FN1: variants seen among roughly 807,000 people sequenced by gnomAD.
The protein encoded by FN1 is fibronectin.
A neutral mutation model predicts 297.3 loss-of-function variants in FN1; 106 were observed. The observed-to-expected ratio is 0.36, with a 90% confidence interval of 0.30 to 0.42. The LOEUF is 0.42. Ranked by LOEUF, FN1 falls within the 10% of genes least tolerant of loss-of-function variation. The pLI is 1.00. For missense variants in FN1, 2,690 were observed against 3,124.9 expected, an observed-to-expected ratio of 0.86 and a Z score of 3.32; for synonymous variants, 1,149 against 1,152.6, an observed-to-expected ratio of 1.00 and a Z score of 0.06.
At chr2:215,375,842 C>G (rs2106293934) in intron 36 of FN1, 124 bp from the exon 37 acceptor site, 1 of 714,986 alleles carries the variant, frequency 1.4e-6, no homozygotes, top group African/African-American at 1.7e-5. Context: ...CCAAAGTGGT[C>G]CACATTTGAA....
chr2:215,379,759 T>C lies in FN1; in HGVS notation c.5435-442A>G, dbSNP rs145856581. 609 of 195,590 alleles carry C rather than the reference T, an allele frequency of 3.1e-3. 3 individuals are homozygous for C. The highest frequency in any genetic ancestry group is 0.013 in the African/African-American group (550 of 41,978). The allele number at this position is 195,590 out of a possible 1,614,324, so 12.1% of individuals were successfully genotyped here. On this transcript the variant is annotated intron_variant, in intron 33 of 45. Transcript: ENST00000354785. The stretch of plus-strand genomic sequence containing the variant: ...TCCAGGCGGCAGTGCAGTGGAGTTA[T>C]CATAGCTCACTGCAGCCTTGAACTC...
In FN1 at chr2:215,361,995, G is replaced by A; in HGVS notation, c.7336C>T (p.Gln2446Ter). 1 of 1,614,020 alleles carries A rather than the reference G, an allele frequency of 6.2e-7. No homozygotes were observed. The highest frequency in any genetic ancestry group is 8.5e-7 in the Non-Finnish European group (1 of 1,179,956). ...GTGTTTGTTCTCTGATGGTATCTCT[G>A]AGAATACTGGTTGTAGGACTGGCCA... is the stretch of plus-strand genomic sequence containing the variant. ...TTGQSYNQYSQRYHQRTNTNV... is the reference protein window; with the variant it reads ...TTGQSYNQYS Residue 2446 changes from glutamine (Q) to a stop codon, truncating the protein, a stop_gained, in exon 45 of 46, where the codon CAG becomes TAG. Transcript: ENST00000354785. LOFTEE classifies it high-confidence loss of function.
intron 32 of FN1, chr2:215,381,339 A>C (rs1172016587): frequency 1.9e-6 from 1 of 519,660 alleles, no homozygotes; most frequent in Non-Finnish European, 3.5e-6. Context: ...ATGGGGATGT[A>C]TTTATATTAA....
At chr2:215,381,385 T>C (rs951782960) in intron 32 of FN1, 24 of 425,202 alleles carry the variant, frequency 5.6e-5, no homozygotes, top group Non-Finnish European at 7.8e-5. Context: ...ATTTTTACAA[T>C]GTGATGTTAG....
intron 26 of FN1, among the ~76,000 whole-genome samples, chr2:215,390,513 T>C (rs2059593524): frequency 6.6e-6 from 1 of 152,132 alleles, no homozygotes; most frequent in Non-Finnish European, 1.5e-5. Flanking sequence ...AGGATAATAA[T>C]GACTTTGCTA....
intron 18 of FN1, 48 bp from the exon 19 acceptor site, chr2:215,406,558 A>G (rs779629209): frequency 6.3e-7 from 1 of 1,593,754 alleles, no homozygotes; most frequent in Admixed American, 1.7e-5. Flanking sequence ...GCTGAAGATT[A>G]CTTTTAAGAA....
chr2:215,406,272 C>T lies in FN1; in HGVS notation c.2952G>A (p.Arg984=). The change falls in exon 19 of 46, where the codon AGG becomes AGA. Residue 984 remains arginine, a synonymous_variant. Coordinates refer to ENST00000354785, the MANE Select transcript of FN1 (RefSeq NM_212482.4). ...YFKVFAVSHG[R]ESKPLTAQQT... ...GTTGAGCAGTCAGAGGCTTGCTCTC[C>T]CTCCCATGGCTCACTGCAAAGACTT... 1 of 1,614,132 alleles carries T rather than the reference C, an allele frequency of 6.2e-7. No homozygotes were observed. Among genetic ancestry groups the T allele is most frequent in the Non-Finnish European group, 8.5e-7 (1 of 1,180,006 alleles).
chr2:215,423,558 A>G (rs561750192), intron 8 of FN1, 32 bp from the exon 9 acceptor site: 1 of 1,606,236 alleles, frequency 6.2e-7, no homozygotes, highest in East Asian at 2.2e-5. Context: ...AAAGAAGGAA[A>G]AGATTACCGC....
At position 215,383,311 on chromosome 2, in the gene FN1, A is replaced by AT; in HGVS notation, c.5050+16dup. On this transcript the variant is annotated intron_variant, in intron 31 of 45. Transcript: ENST00000354785. ...GAGTGAGCCACCGCACCTGGCCGAG[A>AT]TGCAGATGATTCTTACCTGGACCTG... The AT allele has an allele frequency of 6.2e-7, 1 of 1,613,826 alleles. No homozygotes were observed.
chr2:215,421,637 G>A (rs1165472435), intron 10 of FN1, among the ~76,000 whole-genome samples: 3 of 152,192 alleles, frequency 2.0e-5, no homozygotes, highest in African/African-American at 7.2e-5. Flanking sequence ...ATAGCTGGGT[G>A]CAAAGGAGAA....
chr2:215,406,762 G>A (rs903540178), intron 18 of FN1, among the ~76,000 whole-genome samples: 1 of 152,030 alleles, frequency 6.6e-6, no homozygotes, highest in African/African-American at 2.4e-5. Flanking sequence ...TGGGGGGAGA[G>A]GGTTATAAGA....
In FN1 at chr2:215,392,996, T is replaced by C. The variant is rs1431617901; in HGVS notation, c.4004A>G (p.Asp1335Gly). ...ATTAATGAGAGTGATAACGCTGATA[T>C]CATAGTCAATGCCCGGCTCCAGCCC... ...VTGLEPGIDY[D>G]ISVITLINGG... is the part of the protein sequence containing the mutation. Residue 1335 changes from aspartate to glycine, a missense_variant, in exon 25 of 46, where the codon GAT becomes GGT. Coordinates refer to ENST00000354785, the MANE Select transcript of FN1 (RefSeq NM_212482.4). 2 of 1,613,826 alleles carry C rather than the reference T, an allele frequency of 1.2e-6. No individual in the cohort carries two copies. Among genetic ancestry groups the C allele is most frequent in the South Asian group, 1.1e-5 (1 of 91,056 alleles).
At chr2:215,432,152 T>C (rs1275688742) in intron 3 of FN1, among the ~76,000 whole-genome samples, 188 bp from the exon 4 acceptor site, 1 of 152,128 alleles carries the variant, frequency 6.6e-6, no homozygotes, top group Non-Finnish European at 1.5e-5. Flanking sequence ...GTGTCTTGCT[T>C]AGAACACAAT....
At position 215,425,212 on chromosome 2, in the gene FN1, GC is replaced by G; in HGVS notation, c.917del (p.Gly306AlafsTer18). 1 of 1,614,144 alleles carries G rather than the reference GC, an allele frequency of 6.2e-7. No individual in the cohort carries two copies. Among genetic ancestry groups the G allele is most frequent in the Non-Finnish European group, 8.5e-7 (1 of 1,179,992 alleles). ...CCACACCACTGTCTGTGACACAGTG[GC>G]CATAGGGAGGAGGCTGGGGGTGAGG... ...PQPHPQPPPYGHCVTDSGVVY... is the reference protein window; with the variant it reads ...PQPHPQPPPYXHCVTDSGVVY... On this transcript the variant is annotated frameshift_variant, in exon 7 of 46. Coordinates refer to ENST00000354785, the MANE Select transcript of FN1 (RefSeq NM_212482.4). LOFTEE classifies it high-confidence loss of function.
intron 42 of FN1, among the ~76,000 whole-genome samples, chr2:215,366,898 C>T (rs529399195): frequency 6.6e-6 from 1 of 152,328 alleles, no homozygotes; most frequent in African/African-American, 2.4e-5. Context: ...AGCTCCTAAA[C>T]AGCATGTGAT....
chr2:215,378,145 T>G (rs770180284), intron 35 of FN1, 30 bp downstream of exon 35: 4 of 1,280,670 alleles, frequency 3.1e-6, no homozygotes, highest in South Asian at 2.4e-5. Flanking sequence ...TACAGAAGGT[T>G]TGTCCATATG....
intron 19 of FN1, among the ~76,000 whole-genome samples, chr2:215,405,822 C>T (rs2061703931): frequency 6.6e-6 from 1 of 152,090 alleles, no homozygotes; most frequent in Non-Finnish European, 1.5e-5. Context: ...GAGAATAATG[C>T]TTGTAAAAAC....
rs185669295 is a variant in FN1, at chr2:215,432,234, A to T, written c.416-270T>A. 3.3e-5 allele frequency among the ~76,000 whole-genome samples: 5 copies of T among 152,272 alleles called. No individual in the cohort carries two copies. The East Asian group carries it at 7.7e-4, about 24-fold the overall frequency. On this transcript the variant is annotated intron_variant, in intron 3 of 45. Transcript: ENST00000354785. ...CTGCTTTCCCAGAGAGATCACAGGA[A>T]ATTGGGTCCTAAGCAGAAAAGAAAG...
chr2:215,394,478 ACT>A, intron 24 of FN1, 48 bp downstream of exon 24: 1 of 1,420,028 alleles, frequency 7.0e-7, no homozygotes, highest in Non-Finnish European at 1.0e-6. Context: ...GCTAATCCCC[ACT>A]CTTATTGGAA....
Sources: gnomAD v4.1 joint callset for allele counts (sites outside exome capture counted in the v4.1 genomes callset) on GRCh38, gnomAD v4.1.1 for gene constraint, MANE v1.5 for transcripts, NCBI Gene and HGNC (gene_info 2026-07-23, HGNC 2026-07-21) for gene names.